The following HSPA9 variants were observed in gnomAD, a reference collection of about 807,000 sequenced individuals.
HSPA9 encodes the protein stress-70 protein, mitochondrial.
A neutral mutation model predicts 81.5 loss-of-function variants in HSPA9; 28 were observed. The ratio of observed to expected loss-of-function variants is 0.34; its 90% confidence interval spans 0.25 to 0.47. The LOEUF (loss-of-function observed/expected upper bound fraction) is 0.47. Among genes scored for constraint, HSPA9 ranks in the 20% least tolerant of loss-of-function variants. The probability of loss-of-function intolerance (pLI) is 1.00; values close to 1 mark genes in which losing one functional copy is unlikely to be tolerated. For missense variants in HSPA9, 678 were observed against 838.0 expected (o/e 0.81, Z 2.36); for synonymous variants, 293 against 290.4 (o/e 1.01, Z -0.09).
At chr5:138,567,386 A>C in intron 7 of HSPA9, 69 bp downstream of exon 7, 1 of 1,246,256 alleles carries the variant, frequency 8.0e-7, no homozygotes, top group Non-Finnish European at 1.2e-6. Context: ...TAAAAGGCTC[A>C]ATTACTAAAA....
intron 9 of HSPA9, among the ~76,000 whole-genome samples, chr5:138,565,083 G>C (rs1750735619): frequency 6.6e-6 from 1 of 152,188 alleles, no homozygotes; most frequent in Admixed American, 6.5e-5. Flanking sequence ...AAAACTGAAT[G>C]TGTAAGGATG....
chr5:138,566,884 G>A (rs1750777900), intron 8 of HSPA9, 117 bp downstream of exon 8: 3 of 1,202,762 alleles, frequency 2.5e-6, no homozygotes, highest in Middle Eastern at 3.8e-4. Context: ...TCTGAAAAGA[G>A]TATCTGTGTC....
rs550904581 is a variant in HSPA9, at chr5:138,572,321, T to G, written c.229-1180A>C. 6.6e-5 allele frequency among the ~76,000 whole-genome samples: 10 copies of G among 151,834 alleles called. No homozygotes were observed. The East Asian group carries it at 1.5e-3, about 23-fold the overall frequency. On this transcript the variant is annotated intron_variant, in intron 3 of 16. Coordinates refer to ENST00000297185, the MANE Select transcript of HSPA9 (RefSeq NM_004134.7). ...GTGCTGATAATTGTATGTATCTAACTTCCCAGAAAAGGATTTAAATGTGGT... is the reference window on the plus strand; with the variant it reads ...GTGCTGATAATTGTATGTATCTAACGTCCCAGAAAAGGATTTAAATGTGGT...
intron 5 of HSPA9, among the ~76,000 whole-genome samples, 188 bp from the exon 6 acceptor site, chr5:138,567,910 CA>C (rs1193180748): frequency 1.3e-5 from 2 of 152,164 alleles, no homozygotes; most frequent in African/African-American, 4.8e-5. Context: ...TCAGGCCGGG[CA>C]CGGTGGCTCA....
intron 9 of HSPA9, among the ~76,000 whole-genome samples, chr5:138,562,437 G>C (rs891496431): frequency 1.3e-5 from 2 of 151,980 alleles, no homozygotes; most frequent in African/African-American, 4.8e-5. Flanking sequence ...TGTAATCCCA[G>C]CTACTTGGGA....
In HSPA9 at chr5:138,571,337, C is replaced by T. The variant is rs112780832; in HGVS notation, c.229-196G>A. ...CTGGTACTATAGGCGTGCACCACCA[C>T]ACCAAGCTAATTTTTCGGCATTTTT... On this transcript the variant is annotated intron_variant, in intron 3 of 16. Transcript: ENST00000297185. 6.3e-3 allele frequency among the ~76,000 whole-genome samples: 953 copies of T among 152,228 alleles called. 8 individuals carry two copies. The highest frequency in any genetic ancestry group is 0.036 in the South Asian group (172 of 4,820).
rs1440510287 is a variant in HSPA9 at position 138,567,420 on chromosome 5, C to T, written c.716+35G>A. 7.3e-6 allele frequency: 11 copies of T among 1,500,680 alleles called. 1 individual carries two copies. In the Admixed American group the frequency reaches 1.8e-4, roughly 25 times the overall value. 93.0% of individuals were successfully genotyped at this position (1,500,680 alleles called of 1,614,324 possible). A position where few individuals can be genotyped will look rare whatever the true frequency, so the allele number is the denominator to read the frequency against. Reference sequence around the variant, plus strand: ...AAAATTAAGTGACACTTTAGTTTCACACATCCAGGTGAGAAATTTACTGCA... The same window carrying T: ...AAAATTAAGTGACACTTTAGTTTCATACATCCAGGTGAGAAATTTACTGCA... On this transcript the variant is annotated intron_variant, in intron 7 of 16. Coordinates refer to ENST00000297185, the MANE Select transcript of HSPA9 (RefSeq NM_004134.7).
chr5:138,560,005 A>T lies in HSPA9; in HGVS notation c.1269T>A (p.Ile423=), dbSNP rs760207870. ...PDEAVAIGAA[I]QGGVLAGDVT... Reference sequence around the variant, plus strand: ...CATCGCCGGCCAACACACCTCCCTGAATGGCAGCTCCAATGGCCACAGCCT... The same window carrying T: ...CATCGCCGGCCAACACACCTCCCTGTATGGCAGCTCCAATGGCCACAGCCT... The change falls in exon 11 of 17, where the codon ATT becomes ATA. Residue 423 remains isoleucine (I), a synonymous_variant. Transcript: ENST00000297185. 6 of 1,614,136 alleles carry T rather than the reference A, an allele frequency of 3.7e-6. No homozygotes were observed. In the South Asian group the frequency reaches 6.6e-5, roughly 18 times the overall value.
intron 3 of HSPA9, among the ~76,000 whole-genome samples, chr5:138,572,633 T>C (rs536276933): frequency 2.0e-5 from 3 of 152,222 alleles, no homozygotes; most frequent in African/African-American, 7.2e-5. Context: ...CTTCCATTCA[T>C]GGCCTCTTTT....
At position 138,573,870 on chromosome 5, in the gene HSPA9, G is replaced by C; in HGVS notation, c.141-20C>G. On this transcript the variant is annotated intron_variant, in intron 2 of 16. Transcript: ENST00000297185. ...TCTGATCTGTAAGACATTTAGAACA[G>C]TGTCACAGCTATTGTTATCTTGATA... is the stretch of plus-strand genomic sequence containing the variant. 1.3e-6 allele frequency: 2 copies of C among 1,577,804 alleles called. No homozygotes were observed. The highest frequency in any genetic ancestry group is 2.2e-5 in the East Asian group (1 of 44,664).
intron 9 of HSPA9, among the ~76,000 whole-genome samples, chr5:138,563,788 A>G (rs1215113610): frequency 6.6e-6 from 1 of 152,234 alleles, no homozygotes; most frequent in African/African-American, 2.4e-5. Flanking sequence ...TAAAACAAAA[A>G]CAAAAAACAA....
At chr5:138,565,700 C>T (rs1750746368) in intron 9 of HSPA9, among the ~76,000 whole-genome samples, 1 of 152,146 alleles carries the variant, frequency 6.6e-6, no homozygotes, top group Non-Finnish European at 1.5e-5. Context: ...AGCTCTTTTT[C>T]TAGACTGGTG....
At chr5:138,559,169 G>A (rs1162561530) in intron 11 of HSPA9, 2 of 194,268 alleles carry the variant, frequency 1.0e-5, no homozygotes, top group Admixed American at 5.4e-5. Context: ...GCAGTGGCAT[G>A]ACCTCAGCTC....
At chr5:138,571,633 A>G (rs1750892671) in intron 3 of HSPA9, among the ~76,000 whole-genome samples, 1 of 151,368 alleles carries the variant, frequency 6.6e-6, no homozygotes, top group Non-Finnish European at 1.5e-5. Flanking sequence ...TTAGCCCTTT[A>G]CTTTCAAACT....
In HSPA9 at chr5:138,575,386, T is replaced by C. The variant is rs546118492; in HGVS notation, c.-68A>G. ...GACGGCAAAGAGCTGCGCGATGCGG[T>C]GGCGGCAGCGCTTCTGGAAACCTCC... On this transcript the variant is annotated 5_prime_UTR_variant, in exon 1 of 17. Transcript: ENST00000297185. The C allele has an allele frequency of 2.7e-5, 37 of 1,362,916 alleles. No individual in the cohort carries two copies. The Admixed American group carries it at 2.7e-4, about 10-fold the overall frequency. 84.4% of individuals were successfully genotyped at this position (1,362,916 alleles called of 1,614,324 possible).
intron 14 of HSPA9, 65 bp from the exon 15 acceptor site, chr5:138,556,931 C>T: frequency 9.5e-7 from 1 of 1,056,670 alleles, no homozygotes; most frequent in Non-Finnish European, 1.5e-6. Context: ...AATGTCTATA[C>T]TCAGACAATA....
At chr5:138,559,657 C>T (rs1561857344) in intron 11 of HSPA9, 1 of 553,194 alleles carries the variant, frequency 1.8e-6, no homozygotes, top group Non-Finnish European at 3.3e-6. Flanking sequence ...TCATCACTAC[C>T]AGCTAACATG....
chr5:138,566,855 G>T (rs751443671), intron 8 of HSPA9, 137 bp from the exon 9 acceptor site: 16 of 1,130,664 alleles, frequency 1.4e-5, no homozygotes, highest in Admixed American at 3.4e-5. Flanking sequence ...TACCCTTAAT[G>T]TGTAGGGAAA....
In HSPA9 at chr5:138,555,818, G is replaced by A. The variant is rs1750507400; in HGVS notation, c.*219C>T. 3.4e-6 allele frequency: 2 copies of A among 583,522 alleles called. No homozygotes were observed. Among genetic ancestry groups the A allele is most frequent in the Non-Finnish European group, 6.1e-6 (2 of 329,114 alleles). 36.1% of individuals were successfully genotyped at this position (583,522 alleles called of 1,614,324 possible). The stretch of plus-strand genomic sequence containing the variant: ...TTTACATGCAGCTGAAAAATGACAG[G>A]CTAGGGACATAGAATATTGTGAACT... On this transcript the variant is annotated 3_prime_UTR_variant, in exon 17 of 17. Transcript: ENST00000297185.
Sources: gnomAD v4.1 joint callset for allele counts (sites outside exome capture counted in the v4.1 genomes callset) on GRCh38, gnomAD v4.1.1 for gene constraint, MANE v1.5 for transcripts, NCBI Gene and HGNC (gene_info 2026-07-23, HGNC 2026-07-21) for gene names.